Variants in NAALADL2 observed in about 807,000 individuals in gnomAD.
NAALADL2 encodes inactive N-acetylated-alpha-linked acidic dipeptidase-like protein 2.
In NAALADL2, 76 loss-of-function variants were observed where a neutral mutation model predicts 87.2. That is an observed-to-expected ratio of 0.87 (90% CI 0.72 to 1.05). NAALADL2 has a LOEUF of 1.05. Among genes scored for constraint, NAALADL2 ranks in the 50% least tolerant of loss-of-function variants. The probability of loss-of-function intolerance (pLI) is 0.00; values close to 1 mark genes in which losing one functional copy is unlikely to be tolerated. For synonymous variants in NAALADL2, 354 were observed against 331.0 expected (o/e 1.07, Z -0.75); for missense variants, 1,089 against 945.8 (o/e 1.15, Z -1.99).
At chr3:175,775,442 A>C (rs1750093832) in intron 13 of NAALADL2, among the ~76,000 whole-genome samples, 2 of 152,068 alleles carry the variant, frequency 1.3e-5, no homozygotes, top group Admixed American at 1.3e-4. Context: ...CTGCAACTAT[A>C]ATCTGATTTC....
intron 5 of NAALADL2, among the ~76,000 whole-genome samples, chr3:175,426,352 G>A (rs1430769808): frequency 6.6e-6 from 1 of 152,154 alleles, no homozygotes; most frequent in Non-Finnish European, 1.5e-5. Flanking sequence ...GACAGAGTGA[G>A]ACTCTATCTC....
intron 9 of NAALADL2, among the ~76,000 whole-genome samples, chr3:175,571,125 C>T (rs1243062737): frequency 2.0e-5 from 3 of 152,134 alleles, no homozygotes; most frequent in Non-Finnish European, 1.5e-5. Flanking sequence ...CACTATTTAA[C>T]TAATGCAAGT....
chr3:175,262,012 G>C (rs1751125307), intron 4 of NAALADL2, among the ~76,000 whole-genome samples: 1 of 152,048 alleles, frequency 6.6e-6, no homozygotes, highest in Non-Finnish European at 1.5e-5. Context: ...AATTACGGAG[G>C]AGTAGCATTA....
chr3:174,619,628 T>C (rs759849142), intron 2 of NAALADL2, among the ~76,000 whole-genome samples: 2 of 151,994 alleles, frequency 1.3e-5, no homozygotes, highest in African/African-American at 2.4e-5. Flanking sequence ...ATGGCAAATT[T>C]CAGTAACACT....
At chr3:175,299,259 T>C (rs533066792) in intron 4 of NAALADL2, among the ~76,000 whole-genome samples, 12 of 152,264 alleles carry the variant, frequency 7.9e-5, no homozygotes, top group African/African-American at 2.9e-4. Context: ...TGGGCTCTTA[T>C]TTTGGTTCCA....
At chr3:174,556,332 AT>A (rs1281331617) in intron 2 of NAALADL2, among the ~76,000 whole-genome samples, 1 of 151,990 alleles carries the variant, frequency 6.6e-6, no homozygotes, top group Non-Finnish European at 1.5e-5. Flanking sequence ...CTGATGCTGA[AT>A]TTTTACACAT....
intron 3 of NAALADL2, among the ~76,000 whole-genome samples, chr3:174,783,881 G>C (rs1716293143): frequency 6.6e-6 from 1 of 152,058 alleles, no homozygotes; most frequent in Non-Finnish European, 1.5e-5. Context: ...GCTCCCAGGT[G>C]ATACTGATGT....
In NAALADL2 at chr3:175,084,062, T is replaced by C. The variant is rs76823591; in HGVS notation, c.44-12728T>C. ...TGTAGGCCAGGACATGAAGGTCTTA[T>C]ATGCTTTGGAAAGGAATCTGCAATT... On this transcript the variant is annotated intron_variant, in intron 1 of 13. Transcript: ENST00000454872. Among the ~76,000 whole-genome samples the C allele has an allele frequency of 6.5e-3, 989 of 152,286 alleles. 6 individuals carry two copies. The highest frequency in any genetic ancestry group is 0.021 in the African/African-American group (862 of 41,564).
intron 2 of NAALADL2, among the ~76,000 whole-genome samples, chr3:174,646,073 T>A (rs1723750371): frequency 6.6e-6 from 1 of 152,178 alleles, no homozygotes; most frequent in Non-Finnish European, 1.5e-5. Flanking sequence ...TATAATGTGG[T>A]CTTTCAACAG....
At chr3:174,799,499 AGAT>A (rs1327885236) in intron 3 of NAALADL2, among the ~76,000 whole-genome samples, 1 of 152,162 alleles carries the variant, frequency 6.6e-6, no homozygotes, top group Non-Finnish European at 1.5e-5. Flanking sequence ...CATCCATGTA[AGAT>A]GTGACTTGCT....
At chr3:175,126,105 T>G (rs1420299162) in intron 2 of NAALADL2, among the ~76,000 whole-genome samples, 1 of 151,854 alleles carries the variant, frequency 6.6e-6, no homozygotes, top group African/African-American at 2.4e-5. Flanking sequence ...GCAAAGTGAG[T>G]GTATGTGTAT....
chr3:175,385,466 G>T (rs559048147), intron 5 of NAALADL2, among the ~76,000 whole-genome samples: 21 of 151,944 alleles, frequency 1.4e-4, no homozygotes, highest in Non-Finnish European at 2.6e-4. Context: ...ACCCTTCTAG[G>T]TTCTTTGGCT....
At chr3:175,292,593 T>C (rs1466951409) in intron 4 of NAALADL2, among the ~76,000 whole-genome samples, 3 of 145,268 alleles carry the variant, frequency 2.1e-5, no homozygotes, top group African/African-American at 2.5e-5. Flanking sequence ...TGAGTTGGGA[T>C]ACACACACAC....
intron 4 of NAALADL2, among the ~76,000 whole-genome samples, chr3:175,302,056 A>G (rs1011944014): frequency 2.6e-5 from 4 of 151,982 alleles, no homozygotes; most frequent in Non-Finnish European, 5.9e-5. Context: ...GCAGTAATCA[A>G]TCCTAAGGTA....
intron 1 of NAALADL2, among the ~76,000 whole-genome samples, chr3:174,455,463 A>G (rs1342183630): frequency 2.0e-5 from 3 of 152,296 alleles, no homozygotes; most frequent in East Asian, 3.9e-4. Flanking sequence ...ATGCACATCA[A>G]TGCAAAAATC....
At chr3:174,492,141 G>A (rs560173333) in intron 1 of NAALADL2, among the ~76,000 whole-genome samples, 6 of 151,982 alleles carry the variant, frequency 3.9e-5, no homozygotes, top group African/African-American at 1.4e-4. Flanking sequence ...GTGGTGGCGG[G>A]TGCCTGTAAT....
At chr3:175,182,679 A>G (rs13092971) in intron 2 of NAALADL2, among the ~76,000 whole-genome samples, 109,192 of 150,140 alleles carry the variant, frequency 0.73, 40,316 homozygotes, top group Non-Finnish European at 0.8. Flanking sequence ...TTACAGGGGT[A>G]AGCCAATGCA....
intron 5 of NAALADL2, among the ~76,000 whole-genome samples, chr3:175,374,497 T>G (rs567725093): frequency 1.6e-5 from 2 of 123,240 alleles, no homozygotes; most frequent in East Asian, 5.5e-4. Context: ...GAGGTTGCAG[T>G]GAACTGAGAT....
intron 1 of NAALADL2, among the ~76,000 whole-genome samples, chr3:174,965,567 A>T (rs1220690546): frequency 6.6e-6 from 1 of 152,142 alleles, no homozygotes. Flanking sequence ...ATGGGAAGTT[A>T]ATTGAAATTA....
Sources: gnomAD v4.1 joint callset for allele counts (sites outside exome capture counted in the v4.1 genomes callset) on GRCh38, gnomAD v4.1.1 for gene constraint, MANE v1.5 for transcripts, NCBI Gene and HGNC (gene_info 2026-07-23, HGNC 2026-07-21) for gene names.